PDE1C: variants seen among roughly 807,000 people sequenced by gnomAD.
The protein encoded by PDE1C is dual specificity calcium/calmodulin-dependent 3',5'-cyclic nucleotide phosphodiesterase 1C.
In PDE1C, 62 loss-of-function variants were observed where a neutral mutation model predicts 93.1. The observed-to-expected ratio is 0.67, with a 90% CI of 0.54 to 0.82. The LOEUF is 0.82. Among genes scored for constraint, PDE1C ranks in the 40% least tolerant of loss-of-function variants. The pLI is 0.00. For synonymous variants in PDE1C, 325 were observed against 310.1 expected, an observed-to-expected ratio of 1.05 and a Z score of -0.50; for missense variants, 742 against 884.6, an observed-to-expected ratio of 0.84 and a Z score of 2.04.
At chr7:31,692,611 G>A in the PDE1C span, 1 of 1,287,178 alleles carries the variant, frequency 7.8e-7, no homozygotes, top group Non-Finnish European at 1.1e-6. Context: ...GTCAGAGAGA[G>A]GGCACCCCCC....
intron 2 of PDE1C, among the ~76,000 whole-genome samples, chr7:32,197,027 T>C (rs1238763791): frequency 6.6e-6 from 1 of 152,208 alleles, no homozygotes; most frequent in African/African-American, 2.4e-5. Context: ...GGGGTTTCTA[T>C]TTTCTTCAAC....
At chr7:32,399,128 C>A (rs1442544903) in intron 1 of PDE1C, among the ~76,000 whole-genome samples, 1 of 152,168 alleles carries the variant, frequency 6.6e-6, no homozygotes, top group Non-Finnish European at 1.5e-5. Context: ...TGTGAAATCA[C>A]TGGATGAGGA....
chr7:31,825,132 A>C, intron 12 of PDE1C, 145 bp from the exon 13 acceptor site: 1 of 1,043,964 alleles, frequency 9.6e-7, no homozygotes, highest in Non-Finnish European at 1.4e-6. Flanking sequence ...CCTTGATTTG[A>C]ATATTACATG....
chr7:31,659,026 A>G, the PDE1C span, among the ~76,000 whole-genome samples: 11 of 152,292 alleles, frequency 7.2e-5, no homozygotes, highest in Admixed American at 4.6e-4. Context: ...AGGGCAATCT[A>G]CCAGAGTCAC....
At chr7:32,338,696 G>A (rs1417419827) in intron 1 of PDE1C, among the ~76,000 whole-genome samples, 1 of 152,126 alleles carries the variant, frequency 6.6e-6, no homozygotes, top group East Asian at 1.9e-4. Context: ...GTTCCTAGCA[G>A]CATTATTCAC....
At chr7:31,866,066 C>T (rs1288537294) in intron 6 of PDE1C, among the ~76,000 whole-genome samples, 1 of 151,994 alleles carries the variant, frequency 6.6e-6, no homozygotes, top group Non-Finnish European at 1.5e-5. Flanking sequence ...TTGCAAAATG[C>T]ATATACAAAA....
the PDE1C span, among the ~76,000 whole-genome samples, chr7:31,719,297 A>C: frequency 6.6e-6 from 1 of 152,184 alleles, no homozygotes; most frequent in African/African-American, 2.4e-5. Flanking sequence ...CTGAGACTTC[A>C]GCTTCATTAA....
intron 2 of PDE1C, among the ~76,000 whole-genome samples, chr7:31,914,518 T>C (rs1801637326): frequency 6.6e-6 from 1 of 152,226 alleles, no homozygotes; most frequent in African/African-American, 2.4e-5. Context: ...AGACCTAACA[T>C]AATCCCTTTC....
At chr7:32,150,020 T>G (rs1473580147) in intron 3 of PDE1C, among the ~76,000 whole-genome samples, 1 of 152,090 alleles carries the variant, frequency 6.6e-6, no homozygotes, top group African/African-American at 2.4e-5. Context: ...AGTTCCTGGG[T>G]GGGTCAAGAA....
intron 14 of PDE1C, among the ~76,000 whole-genome samples, chr7:31,817,824 T>C (rs73319158): frequency 0.018 from 2,677 of 152,264 alleles, 72 homozygotes; most frequent in African/African-American, 0.062. Flanking sequence ...AAGCCCAAAT[T>C]TGGTCCAGAT....
At chr7:31,806,503 T>A (rs1434859685) in intron 16 of PDE1C, among the ~76,000 whole-genome samples, 1 of 151,986 alleles carries the variant, frequency 6.6e-6, no homozygotes, top group African/African-American at 2.4e-5. Context: ...GGACATCCAT[T>A]CTTTGAAGTC....
chr7:31,921,012 C>A (rs1196155865), intron 2 of PDE1C, among the ~76,000 whole-genome samples: 2 of 152,132 alleles, frequency 1.3e-5, no homozygotes, highest in Non-Finnish European at 2.9e-5. Context: ...GGAATCAAAG[C>A]CATTCAGAAA....
At chr7:31,665,048 C>G in the PDE1C span, among the ~76,000 whole-genome samples, 1 of 152,174 alleles carries the variant, frequency 6.6e-6, no homozygotes, top group Non-Finnish European at 1.5e-5. Context: ...GCATAGCTCT[C>G]TGACCTAATT....
chr7:31,913,280 T>C (rs940875213), intron 2 of PDE1C, among the ~76,000 whole-genome samples: 3 of 152,192 alleles, frequency 2.0e-5, no homozygotes. Context: ...GCCAAGCACA[T>C]GAATTTTCAA....
intron 2 of PDE1C, among the ~76,000 whole-genome samples, chr7:32,183,610 A>G (rs1404233089): frequency 2.6e-5 from 4 of 152,124 alleles, no homozygotes; most frequent in African/African-American, 4.8e-5. Context: ...GTAGAAAGCT[A>G]AAACTGGATC....
intron 1 of PDE1C, among the ~76,000 whole-genome samples, chr7:32,313,167 T>C (rs1585103705): frequency 6.6e-6 from 1 of 152,276 alleles, no homozygotes; most frequent in African/African-American, 2.4e-5. Flanking sequence ...TCATCTTCAC[T>C]GGCCATCAGA....
At position 31,804,051 on chromosome 7, in the gene PDE1C, A is replaced by T. The variant is rs182294158; in HGVS notation, c.1891+4980T>A. ...ATTGTGGGTAGTGTTTTCTTGCTGC[A>T]TTGCATGCCTGGTAATTTTTTATTG... On this transcript the variant is annotated intron_variant, in intron 16 of 17. Coordinates refer to ENST00000396191, the MANE Select transcript of PDE1C (RefSeq NM_001191057.4). Among the ~76,000 whole-genome samples the T allele has an allele frequency of 1.3e-3, 199 of 151,888 alleles. 1 individual carries two copies. Among genetic ancestry groups the T allele is most frequent in the African/African-American group, 4.6e-3 (191 of 41,480 alleles).
At chr7:31,825,589 T>C (rs985874038) in intron 12 of PDE1C, among the ~76,000 whole-genome samples, 2 of 152,110 alleles carry the variant, frequency 1.3e-5, no homozygotes, top group African/African-American at 4.8e-5. Context: ...TAAGAGTTTT[T>C]AAATGTTCTT....
chr7:31,688,822 C>T, the PDE1C span, among the ~76,000 whole-genome samples: 1 of 152,206 alleles, frequency 6.6e-6, no homozygotes, highest in Non-Finnish European at 1.5e-5. Flanking sequence ...ACACTGAATA[C>T]CTACATTCTG....
Sources: allele counts gnomAD v4.1 joint callset (sites outside exome capture counted in the v4.1 genomes callset), GRCh38; gene constraint gnomAD v4.1.1; transcripts MANE v1.5; gene names NCBI Gene and HGNC (gene_info 2026-07-23, HGNC 2026-07-21).